The following NRXN1 variants were observed in gnomAD, a reference collection of about 807,000 sequenced individuals.
The protein encoded by NRXN1 is neurexin-1.
NRXN1 carries 39 observed loss-of-function variants against 150.9 expected under a neutral mutation model. The ratio of observed to expected loss-of-function variants is 0.26; its 90% CI spans 0.20 to 0.34. The LOEUF is 0.34. Among genes scored for constraint, NRXN1 ranks in the 10% least tolerant of loss-of-function variants. The pLI is 1.00. For synonymous variants in NRXN1, 924 were observed against 757.0 expected (o/e 1.22, Z -3.62); for missense variants, 1,815 against 1,949.9 (o/e 0.93, Z 1.30).
chr2:50,681,295 G>T (rs1310806941), intron 5 of NRXN1, among the ~76,000 whole-genome samples: 1 of 152,170 alleles, frequency 6.6e-6, no homozygotes, highest in Admixed American at 6.5e-5. Context: ...CAGATTATTT[G>T]CTCAGAAGAC....
intron 21 of NRXN1, among the ~76,000 whole-genome samples, chr2:49,977,477 A>C (rs1041655877): frequency 6.6e-6 from 1 of 152,228 alleles, no homozygotes; most frequent in African/African-American, 2.4e-5. Flanking sequence ...TCTAAATGCT[A>C]AACTTTTCTA....
intron 5 of NRXN1, among the ~76,000 whole-genome samples, chr2:50,744,220 T>A (rs1699755743): frequency 6.6e-6 from 1 of 152,122 alleles, no homozygotes; most frequent in Non-Finnish European, 1.5e-5. Context: ...CACAGTTAAT[T>A]TATAATAATT....
At chr2:50,382,607 G>T (rs2081050218) in intron 17 of NRXN1, among the ~76,000 whole-genome samples, 1 of 152,158 alleles carries the variant, frequency 6.6e-6, no homozygotes, top group Non-Finnish European at 1.5e-5. Context: ...AATAGCCTAT[G>T]GCCAGGAAGC....
chr2:50,930,333 G>A (rs1307930972), intron 2 of NRXN1, among the ~76,000 whole-genome samples: 1 of 152,030 alleles, frequency 6.6e-6, no homozygotes, highest in Non-Finnish European at 1.5e-5. Context: ...GACATTTGTG[G>A]TATTTAATTC....
intron 5 of NRXN1, among the ~76,000 whole-genome samples, chr2:50,655,154 G>A (rs2104590192): frequency 6.6e-6 from 1 of 151,586 alleles, no homozygotes; most frequent in South Asian, 2.1e-4. Context: ...CTGATCAGGT[G>A]AGCCATACTT....
intron 15 of NRXN1, among the ~76,000 whole-genome samples, chr2:50,482,771 C>G (rs1232093617): frequency 6.6e-6 from 1 of 152,072 alleles, no homozygotes; most frequent in Non-Finnish European, 1.5e-5. Context: ...ATACAGGTCA[C>G]AAAGACCTTG....
chr2:50,935,166 T>C (rs546521609), intron 2 of NRXN1, among the ~76,000 whole-genome samples: 145 of 152,314 alleles, frequency 9.5e-4, no homozygotes, highest in African/African-American at 3.1e-3. Context: ...CTATCTTATA[T>C]AATGTATTCT....
intron 18 of NRXN1, among the ~76,000 whole-genome samples, chr2:50,132,768 C>A (rs113640520): frequency 1.3e-5 from 2 of 151,578 alleles, no homozygotes; most frequent in South Asian, 2.1e-4. Flanking sequence ...TTTGAGGAAA[C>A]GTCTAATGTA....
chr2:50,714,330 T>A (rs1273173378), intron 5 of NRXN1, among the ~76,000 whole-genome samples: 2 of 152,106 alleles, frequency 1.3e-5, no homozygotes, highest in Non-Finnish European at 2.9e-5. Flanking sequence ...AATTCAGACC[T>A]CCCTGTAATA....
chr2:50,724,523 A>T lies in NRXN1; in HGVS notation c.833-100908T>A, dbSNP rs868303856. On this transcript the variant is annotated intron_variant, in intron 5 of 22. Transcript: ENST00000401669. ...AATGAAATTAAACTACCTGATGCAT[A>T]TTAATGAATAAATAAATGCACTTAG... 1.7e-4 allele frequency among the ~76,000 whole-genome samples: 26 copies of T among 152,172 alleles called. 1 individual carries two copies. The highest frequency in any genetic ancestry group is 5.6e-4 in the African/African-American group (23 of 41,440).
chr2:50,224,240 A>C (rs1244877433), intron 18 of NRXN1, among the ~76,000 whole-genome samples: 1 of 151,960 alleles, frequency 6.6e-6, no homozygotes, highest in Non-Finnish European at 1.5e-5. Flanking sequence ...AGAAAAATGA[A>C]GCTTTGAAGT....
At position 49,921,923 on chromosome 2, in the gene NRXN1, T is replaced by G. The variant is rs917123900; in HGVS notation, c.*21A>C. ...AAAATGAAGACTATTTCTATACAAG[T>G]GTCCATTTAAGATCTTGGGATCAGA... On this transcript the variant is annotated 3_prime_UTR_variant, in exon 23 of 23. Transcript: ENST00000401669. The G allele has an allele frequency of 1.6e-5, 26 of 1,608,254 alleles. No homozygotes were observed. Among genetic ancestry groups the G allele is most frequent in the Non-Finnish European group, 2.2e-5 (26 of 1,174,828 alleles).
chr2:50,001,006 C>T (rs1029732137), intron 21 of NRXN1, among the ~76,000 whole-genome samples: 1 of 152,108 alleles, frequency 6.6e-6, no homozygotes, highest in Admixed American at 6.5e-5. Flanking sequence ...CTTCCCACAA[C>T]AAAACAAACC....
At position 50,370,975 on chromosome 2, in the gene NRXN1, G is replaced by A. The variant is rs184818789; in HGVS notation, c.3364+94467C>T. Among the ~76,000 whole-genome samples, 1,370 of 152,036 alleles carry A rather than the reference G, an allele frequency of 9.0e-3. 24 individuals are homozygous for A. Among genetic ancestry groups the A allele is most frequent in the African/African-American group, 0.031 (1,302 of 41,484 alleles). On this transcript the variant is annotated intron_variant, in intron 17 of 22. Transcript: ENST00000401669. ...ATGTCCTTAGTATCTGAGATACTAA[G>A]GAACTGCCGGTACCTATTTTTCCTC...
At chr2:50,812,865 T>A (rs571281817) in intron 5 of NRXN1, among the ~76,000 whole-genome samples, 45 of 152,052 alleles carry the variant, frequency 3.0e-4, no homozygotes, top group African/African-American at 8.4e-4. Context: ...TGAGTTTTTT[T>A]AAATCTTGAA....
chr2:50,630,786 A>G (rs1324992399), intron 5 of NRXN1, among the ~76,000 whole-genome samples: 1 of 151,784 alleles, frequency 6.6e-6, no homozygotes, highest in African/African-American at 2.4e-5. Flanking sequence ...ATGAAAAAAG[A>G]TATTTGGGTG....
At chr2:49,983,916 A>G (rs1031758228) in intron 21 of NRXN1, among the ~76,000 whole-genome samples, 1 of 152,094 alleles carries the variant, frequency 6.6e-6, no homozygotes, top group African/African-American at 2.4e-5. Flanking sequence ...TCCTTCCTGT[A>G]CTTTGGGAGG....
chr2:50,565,423 G>A (rs1669694439), intron 8 of NRXN1, among the ~76,000 whole-genome samples: 1 of 151,730 alleles, frequency 6.6e-6, no homozygotes, highest in Admixed American at 6.6e-5. Context: ...AATGACCATA[G>A]CAGTCACTGA....
At chr2:50,833,419 C>G (rs973127123) in intron 5 of NRXN1, among the ~76,000 whole-genome samples, 2 of 152,074 alleles carry the variant, frequency 1.3e-5, no homozygotes, top group African/African-American at 4.8e-5. Context: ...TTATCAGGTA[C>G]ATGGATAAAC....
Sources: allele counts gnomAD v4.1 joint callset (sites outside exome capture counted in the v4.1 genomes callset), GRCh38; gene constraint gnomAD v4.1.1; transcripts MANE v1.5; gene names NCBI Gene and HGNC (gene_info 2026-07-23, HGNC 2026-07-21).